ADAMTS18: variants seen among roughly 807,000 people sequenced by gnomAD.
ADAMTS18 encodes the protein A disintegrin and metalloproteinase with thrombospondin motifs 18.
In ADAMTS18, 157 loss-of-function variants were observed where a neutral mutation model predicts 165.9. The ratio of observed to expected loss-of-function variants is 0.95; its 90% confidence interval spans 0.83 to 1.08. ADAMTS18 has a LOEUF of 1.08. Ranked by LOEUF, ADAMTS18 falls within the 50% of genes least tolerant of loss-of-function variation. The probability of loss-of-function intolerance (pLI) is 0.00; values close to 1 mark genes in which losing one functional copy is unlikely to be tolerated. For synonymous variants in ADAMTS18, 782 were observed against 578.2 expected, an observed-to-expected ratio of 1.35 and a Z score of -5.06; for missense variants, 2,040 against 1,534.0, an observed-to-expected ratio of 1.33 and a Z score of -5.51.
At chr16:77,433,829 AT>A (rs1379254078) in intron 2 of ADAMTS18, among the ~76,000 whole-genome samples, 4 of 152,070 alleles carry the variant, frequency 2.6e-5, no homozygotes, top group African/African-American at 9.7e-5. Context: ...GAAGTGAGGG[AT>A]TTTCTGGAAG....
Position 77,434,754 on chromosome 16 carries a change from C to A in ADAMTS18, c.-59G>T. 7.5e-7 allele frequency: 1 copy of A among 1,329,514 alleles called. No individual in the cohort carries two copies. 82.4% of individuals were successfully genotyped at this position (1,329,514 alleles called of 1,614,324 possible). A position where few individuals can be genotyped will look rare whatever the true frequency, so the allele number is the denominator to read the frequency against. ...AGACGCGGCAGGCGGAGCGCACGGG[C>A]GGCGCGCATTCTTTCCGCGGCCCCG... On this transcript the variant is annotated 5_prime_UTR_variant, in exon 1 of 23. Transcript: ENST00000282849.
chr16:77,408,182 A>C (rs2057416497), intron 3 of ADAMTS18, among the ~76,000 whole-genome samples: 1 of 152,186 alleles, frequency 6.6e-6, no homozygotes, highest in Non-Finnish European at 1.5e-5. Context: ...CTCTAGATTA[A>C]ACTTTAAAAA....
chr16:77,310,046 G>C (rs979996532), intron 16 of ADAMTS18, among the ~76,000 whole-genome samples: 4 of 152,206 alleles, frequency 2.6e-5, no homozygotes, highest in African/African-American at 9.7e-5. Flanking sequence ...TTTTTAAAAT[G>C]TGTGTTACAG....
chr16:77,403,860 G>A (rs1285087121), intron 3 of ADAMTS18, among the ~76,000 whole-genome samples: 1 of 152,196 alleles, frequency 6.6e-6, no homozygotes, highest in Non-Finnish European at 1.5e-5. Flanking sequence ...ACGATGCCAT[G>A]CAAGTACAAA....
chr16:77,368,671 A>G (rs946587636), intron 3 of ADAMTS18, among the ~76,000 whole-genome samples: 4 of 152,108 alleles, frequency 2.6e-5, no homozygotes, highest in African/African-American at 7.2e-5. Context: ...TCAGCCTCCT[A>G]AAGTGCTCAG....
At chr16:77,338,312 T>G (rs1317539267) in intron 11 of ADAMTS18, among the ~76,000 whole-genome samples, 1 of 152,282 alleles carries the variant, frequency 6.6e-6, no homozygotes, top group East Asian at 1.9e-4. Context: ...CTTGGCACAC[T>G]GTAGCCTCCA....
chr16:77,366,410 T>G (rs1346028535), intron 4 of ADAMTS18, among the ~76,000 whole-genome samples: 2 of 151,994 alleles, frequency 1.3e-5, no homozygotes, highest in Non-Finnish European at 2.9e-5. Flanking sequence ...ATACAAAAAT[T>G]AGCTTGGCGT....
rs746172767 is a variant in ADAMTS18, at chr16:77,291,431, G to A, written c.3237C>T (p.Cys1079=). 1 of 1,614,142 alleles carries A rather than the reference G, an allele frequency of 6.2e-7. No individual in the cohort carries two copies. Among genetic ancestry groups the A allele is most frequent in the Non-Finnish European group, 8.5e-7 (1 of 1,180,006 alleles). ...GLGVRKREMK[C]SEKGFQGKLI... is the part of the protein sequence containing the mutation. Reference sequence around the variant, plus strand: ...GCTTTCCCTGGAAGCCCTTCTCGCTGCACTTCATCTCCCTCTTCCTCACAC... The same window carrying A: ...GCTTTCCCTGGAAGCCCTTCTCGCTACACTTCATCTCCCTCTTCCTCACAC... The change falls in exon 21 of 23, where the codon TGC becomes TGT. Residue 1079 remains cysteine, a synonymous_variant. Coordinates refer to ENST00000282849, the MANE Select transcript of ADAMTS18 (RefSeq NM_199355.4).
intron 19 of ADAMTS18, among the ~76,000 whole-genome samples, chr16:77,294,681 C>A (rs761107333): frequency 9.2e-5 from 14 of 152,146 alleles, no homozygotes; most frequent in African/African-American, 1.4e-4. Context: ...CGAGTCTGGC[C>A]TAAATGGCCC....
At chr16:77,288,720 C>T (rs1370267609) in intron 22 of ADAMTS18, among the ~76,000 whole-genome samples, 2 of 152,078 alleles carry the variant, frequency 1.3e-5, no homozygotes, top group Non-Finnish European at 2.9e-5. Flanking sequence ...TCCTTGAGGG[C>T]TATTGTTGTT....
intron 11 of ADAMTS18, among the ~76,000 whole-genome samples, chr16:77,341,379 TG>T (rs1338869772): frequency 1.9e-4 from 29 of 152,250 alleles, no homozygotes; most frequent in Non-Finnish European, 2.2e-4. Flanking sequence ...ATCTGATCCC[TG>T]AGACTTTTTA....
At chr16:77,296,764 G>T (rs1206606654) in intron 18 of ADAMTS18, among the ~76,000 whole-genome samples, 1 of 152,084 alleles carries the variant, frequency 6.6e-6, no homozygotes, top group Non-Finnish European at 1.5e-5. Context: ...AGGTGGCAGT[G>T]AGCTATCATG....
chr16:77,355,080 A>C (rs16945537), intron 9 of ADAMTS18, among the ~76,000 whole-genome samples: 8,361 of 152,242 alleles, frequency 0.055, 475 homozygotes, highest in African/African-American at 0.14. Flanking sequence ...ACAGTGGTAC[A>C]GGTTAAAAAT....
chr16:77,296,677 A>T (rs1350845081), intron 18 of ADAMTS18, among the ~76,000 whole-genome samples: 1 of 152,096 alleles, frequency 6.6e-6, no homozygotes, highest in Non-Finnish European at 1.5e-5. Flanking sequence ...ACAATTAGCT[A>T]GGTGTGGTGA....
intron 4 of ADAMTS18, among the ~76,000 whole-genome samples, chr16:77,366,727 G>A (rs889531659): frequency 2.6e-5 from 4 of 152,162 alleles, no homozygotes; most frequent in Admixed American, 6.5e-5. Context: ...CATCTGAATC[G>A]ACTGGTTTAA....
intron 3 of ADAMTS18, among the ~76,000 whole-genome samples, chr16:77,403,057 G>A (rs1270339052): frequency 6.6e-6 from 1 of 152,192 alleles, no homozygotes; most frequent in Non-Finnish European, 1.5e-5. Context: ...GCCAAGTACT[G>A]TTTAAACATT....
At chr16:77,340,906 G>C (rs1324090303) in intron 11 of ADAMTS18, among the ~76,000 whole-genome samples, 1 of 152,120 alleles carries the variant, frequency 6.6e-6, no homozygotes, top group South Asian at 2.1e-4. Flanking sequence ...ATTTTTTTCT[G>C]TATAGGTTTA....
rs78210683 is a variant in ADAMTS18 at position 77,324,624 on chromosome 16, T to C, written c.2032+1242A>G. On this transcript the variant is annotated intron_variant, in intron 13 of 22. Coordinates refer to ENST00000282849, the MANE Select transcript of ADAMTS18 (RefSeq NM_199355.4). ...ATGCACTGAGAAGAGCTATGAAGAA[T>C]AAAACGGGGTAAAGGGTTCAGAAAA... 4.5e-4 allele frequency among the ~76,000 whole-genome samples: 68 copies of C among 152,222 alleles called. 1 individual carries two copies. The East Asian group carries it at 0.012, about 26-fold the overall frequency.
At chr16:77,411,021 C>T (rs1394949948) in intron 3 of ADAMTS18, among the ~76,000 whole-genome samples, 2 of 152,310 alleles carry the variant, frequency 1.3e-5, no homozygotes, top group Middle Eastern at 3.4e-3. Context: ...CTGAAACCCT[C>T]ATTTTCCCGC....
Sources: allele counts gnomAD v4.1 joint callset (sites outside exome capture counted in the v4.1 genomes callset), GRCh38; gene constraint gnomAD v4.1.1; transcripts MANE v1.5; gene names NCBI Gene and HGNC (gene_info 2026-07-23, HGNC 2026-07-21).